IQGAP1: variants seen among roughly 807,000 people sequenced by gnomAD.
The protein encoded by IQGAP1 is IQ motif containing GTPase activating protein 1.
IQGAP1 carries 66 observed loss-of-function variants against 215.6 expected under a neutral mutation model. The observed-to-expected ratio is 0.31, with a 90% CI of 0.25 to 0.38. The LOEUF is 0.38. Ranked by LOEUF, IQGAP1 falls within the 10% of genes least tolerant of loss-of-function variation. The probability of loss-of-function intolerance (pLI) is 1.00; values close to 1 mark genes in which losing one functional copy is unlikely to be tolerated. For missense variants in IQGAP1, 1,712 were observed against 1,997.1 expected (o/e 0.86, Z 2.72); for synonymous variants, 772 against 728.7 (o/e 1.06, Z -0.96).
chr15:90,421,850 G>A (rs149795606), intron 2 of IQGAP1, among the ~76,000 whole-genome samples: 1 of 152,190 alleles, frequency 6.6e-6, no homozygotes, highest in East Asian at 1.9e-4. Context: ...TTGTAGAGAC[G>A]GGGTCTCACC....
intron 2 of IQGAP1, among the ~76,000 whole-genome samples, chr15:90,422,626 GTA>G (rs4031444): frequency 0.19 from 9,272 of 48,046 alleles, 560 homozygotes; most frequent in Middle Eastern, 0.25. Context: ...ATATATATAT[GTA>G]TATATATATA....
Position 90,427,741 on chromosome 15 carries a change from C to CA in IQGAP1, c.312+1485dup, listed in dbSNP as rs146310924. On this transcript the variant is annotated intron_variant, in intron 3 of 37. Transcript: ENST00000268182. ...GGCAACAGAGCAAGACTCTGTCTCC[C>CA]AAAAAAAAAATGGGGATGTTGACAA... 9.9e-4 allele frequency among the ~76,000 whole-genome samples: 145 copies of CA among 145,952 alleles called. 2 individuals are homozygous for CA. The East Asian group carries it at 0.022, about 22-fold the overall frequency.
chr15:90,477,815 C>T lies in IQGAP1; in HGVS notation c.3255C>T (p.Leu1085=), dbSNP rs748705170. The T allele has an allele frequency of 4.3e-6, 7 of 1,613,860 alleles. No homozygotes were observed. In the Admixed American group the frequency reaches 6.7e-5, roughly 15 times the overall value. The change falls in exon 26 of 38, where the codon CTC becomes CTT. Residue 1085 remains leucine (L), a synonymous_variant. Coordinates refer to ENST00000268182, the MANE Select transcript of IQGAP1 (RefSeq NM_003870.4). ...AGGAAATTATGGATGACAAATCTCT[C>T]AACATCAAAACTGACCCTGTGGATA... ...VVKEIMDDKS[L]NIKTDPVDIY...
chr15:90,394,174 G>T (rs1596244954), intron 2 of IQGAP1, among the ~76,000 whole-genome samples: 1 of 133,650 alleles, frequency 7.5e-6, no homozygotes, highest in Non-Finnish European at 1.6e-5. Flanking sequence ...GGAGACATTT[G>T]TGATGATCTT....
intron 11 of IQGAP1, among the ~76,000 whole-genome samples, chr15:90,451,865 C>G (rs969934844): frequency 6.7e-6 from 1 of 149,522 alleles, no homozygotes; most frequent in Non-Finnish European, 1.5e-5. Context: ...GAGTCTCACT[C>G]TGTTGCCAGG....
chr15:90,452,641 A>T, intron 11 of IQGAP1, 134 bp from the exon 12 acceptor site: 1 of 962,754 alleles, frequency 1.0e-6, no homozygotes, highest in Non-Finnish European at 1.5e-6. Flanking sequence ...CTGCTTTTTT[A>T]AAGACGAAAG....
In IQGAP1 at chr15:90,433,799, G is replaced by C. The variant is rs1965334551; in HGVS notation, c.467+4G>C. Reference sequence around the variant, plus strand: ...TCTACTGTATCCATGCACTCAGGTAGTCAAATTTTCTTGGCAAAATAAGGA... The same window carrying C: ...TCTACTGTATCCATGCACTCAGGTACTCAAATTTTCTTGGCAAAATAAGGA... On this transcript the variant is annotated splice_donor_region_variant and intron_variant, in intron 5 of 37. Coordinates refer to ENST00000268182, the MANE Select transcript of IQGAP1 (RefSeq NM_003870.4). 2 of 1,565,160 alleles carry C rather than the reference G, an allele frequency of 1.3e-6. No homozygotes were observed. The highest frequency in any genetic ancestry group is 1.7e-6 in the Non-Finnish European group (2 of 1,145,770).
rs891816084 is a variant in IQGAP1 at position 90,398,511 on chromosome 15, T to A, written c.155+7638T>A. On this transcript the variant is annotated intron_variant, in intron 2 of 37. Transcript: ENST00000268182. ...TATAATTTTTAGATATAATCACAAA[T>A]TCAGATTTTTAAGTTACTACACAGA... Among the ~76,000 whole-genome samples, 15 of 152,144 alleles carry A rather than the reference T, an allele frequency of 9.9e-5. 1 individual carries two copies. Among genetic ancestry groups the A allele is most frequent in the Non-Finnish European group, 8.8e-5 (6 of 68,014 alleles).
chr15:90,465,945 A>G (rs2074582), intron 15 of IQGAP1, 56 bp from the exon 16 acceptor site: 249,202 of 1,334,300 alleles, frequency 0.19, 24,080 homozygotes, highest in South Asian at 0.24. Flanking sequence ...CTTCACATGT[A>G]TGTTACATGT....
At chr15:90,484,535 G>A (rs1339885351) in intron 30 of IQGAP1, among the ~76,000 whole-genome samples, 183 bp downstream of exon 30, 4 of 152,060 alleles carry the variant, frequency 2.6e-5, no homozygotes, top group Non-Finnish European at 5.9e-5. Context: ...TTGAGACAGA[G>A]TCTCACTGTG....
intron 9 of IQGAP1, among the ~76,000 whole-genome samples, chr15:90,447,758 A>G (rs180955439): frequency 1.7e-4 from 26 of 152,248 alleles, no homozygotes; most frequent in Middle Eastern, 3.4e-3. Context: ...GCTTTTATGT[A>G]TATGATTTTA....
At chr15:90,444,352 G>A (rs2151020613) in intron 9 of IQGAP1, among the ~76,000 whole-genome samples, 1 of 148,786 alleles carries the variant, frequency 6.7e-6, no homozygotes, top group South Asian at 2.1e-4. Flanking sequence ...TGCGATTATG[G>A]TTTACTGCAG....
chr15:90,477,046 T>C, intron 24 of IQGAP1, 21 bp from the exon 25 acceptor site: 1 of 1,611,528 alleles, frequency 6.2e-7, no homozygotes, highest in South Asian at 1.1e-5. Flanking sequence ...ACAAATGACT[T>C]ATCCCTTGGT....
chr15:90,444,289 ATTTT>A (rs759649205), intron 9 of IQGAP1, among the ~76,000 whole-genome samples: 1 of 117,416 alleles, frequency 8.5e-6, no homozygotes, highest in Non-Finnish European at 1.7e-5. Context: ...GTATATATAT[ATTTT>A]TTTTTTTCTT....
intron 2 of IQGAP1, among the ~76,000 whole-genome samples, chr15:90,400,573 G>A (rs1191300665): frequency 6.6e-6 from 1 of 152,122 alleles, no homozygotes; most frequent in Non-Finnish European, 1.5e-5. Context: ...AATAGATGTG[G>A]CCATGAAAAA....
At chr15:90,474,389 T>C (rs1423823495) in intron 22 of IQGAP1, 96 bp from the exon 23 acceptor site, 2 of 1,000,668 alleles carry the variant, frequency 2.0e-6, no homozygotes, top group Admixed American at 1.8e-5. Context: ...CAAAATTAAA[T>C]GTTTATGAAT....
chr15:90,461,424 T>A (rs1254326048), intron 15 of IQGAP1, among the ~76,000 whole-genome samples: 1 of 152,248 alleles, frequency 6.6e-6, no homozygotes, highest in Non-Finnish European at 1.5e-5. Context: ...ACGTTTCTCT[T>A]CATTAAATTT....
Position 90,501,677 on chromosome 15 carries a change from C to T in IQGAP1, c.*1569C>T, listed in dbSNP as rs1256367218. 1 of 152,192 alleles carries T rather than the reference C, an allele frequency of 6.6e-6. No individual in the cohort carries two copies. The highest frequency in any genetic ancestry group is 2.4e-5 in the African/African-American group (1 of 41,438). The allele number at this position is 152,192 out of a possible 1,614,324, so 9.4% of individuals were successfully genotyped here. A position where few individuals can be genotyped will look rare whatever the true frequency, so the allele number is the denominator to read the frequency against. ...TGCCATGGAAGGATTCGCCACTACC[C>T]AGACCTTGTTTTTTGTTGTATTTTG... On this transcript the variant is annotated 3_prime_UTR_variant, in exon 38 of 38. Coordinates refer to ENST00000268182, the MANE Select transcript of IQGAP1 (RefSeq NM_003870.4).
At chr15:90,455,923 A>C (rs1965673202) in intron 14 of IQGAP1, among the ~76,000 whole-genome samples, 1 of 152,266 alleles carries the variant, frequency 6.6e-6, no homozygotes, top group South Asian at 2.1e-4. Context: ...GCAATTAAAA[A>C]TGAAACAAAA....
Sources: gnomAD v4.1 joint callset for allele counts (sites outside exome capture counted in the v4.1 genomes callset) on GRCh38, gnomAD v4.1.1 for gene constraint, MANE v1.5 for transcripts, NCBI Gene and HGNC (gene_info 2026-07-23, HGNC 2026-07-21) for gene names.